ATP10A: variants seen among roughly 807,000 people sequenced by gnomAD.
ATP10A encodes the protein phospholipid-transporting ATPase VA.
A neutral mutation model predicts 147.8 loss-of-function variants in ATP10A; 111 were observed. That is an observed-to-expected ratio of 0.75 (90% CI 0.64 to 0.88). ATP10A has a LOEUF of 0.88. Among genes scored for constraint, ATP10A ranks in the 40% least tolerant of loss-of-function variants. ATP10A has a pLI of 0.00. For missense variants in ATP10A, 1,927 were observed against 1,959.0 expected, an observed-to-expected ratio of 0.98 and a Z score of 0.31; for synonymous variants, 875 against 841.6, an observed-to-expected ratio of 1.04 and a Z score of -0.69.
chr15:25,687,604 G>A, intron 16 of ATP10A, 99 bp downstream of exon 16: 1 of 777,482 alleles, frequency 1.3e-6, no homozygotes. Flanking sequence ...GTTGTCCATG[G>A]CCTCCCATCT....
Position 25,713,883 on chromosome 15 carries a change from C to T in ATP10A, c.2135G>A (p.Cys712Tyr). The change falls in exon 10 of 21, where the codon TGC (cysteine) becomes TAC (tyrosine). Residue 712 changes from cysteine (C) to tyrosine (Y), a missense_variant. By Grantham distance (194) the Cys-to-Tyr change is radical. Transcript: ENST00000555815. Reference protein sequence around the residue: ...ALVYAARAYNCVLVERLHDQV... With the variant: ...ALVYAARAYNYVLVERLHDQV... ...GTCGTGCAGCCGCTCCACAAGCACG[C>T]AGTTGTAGGCTCTGGCCGCATACAC... The T allele has an allele frequency of 6.2e-7, 1 of 1,613,798 alleles. No individual in the cohort carries two copies.
intron 1 of ATP10A, among the ~76,000 whole-genome samples, chr15:25,846,198 T>C (rs1003086653): frequency 2.0e-5 from 3 of 151,934 alleles, no homozygotes; most frequent in African/African-American, 7.3e-5. Context: ...AAGTTTCCGT[T>C]TGGGAGGATA....
At chr15:25,716,181 C>T (rs1901794680) in intron 9 of ATP10A, among the ~76,000 whole-genome samples, 2 of 152,224 alleles carry the variant, frequency 1.3e-5, no homozygotes, top group Admixed American at 1.3e-4. Context: ...GGCGGGCACC[C>T]CAGGCACAGG....
At chr15:25,743,427 C>CT (rs1197464608) in intron 2 of ATP10A, among the ~76,000 whole-genome samples, 2 of 152,158 alleles carry the variant, frequency 1.3e-5, no homozygotes, top group East Asian at 3.9e-4. Flanking sequence ...AGACAGCTGC[C>CT]TGGAGGTATG....
chr15:25,674,108 C>T (rs1899093005), downstream of ATP10A, among the ~76,000 whole-genome samples: 1 of 152,190 alleles, frequency 6.6e-6, no homozygotes, highest in South Asian at 2.1e-4. Flanking sequence ...GGACGCTCTC[C>T]ATCAAAGTGC....
intron 1 of ATP10A, among the ~76,000 whole-genome samples, chr15:25,816,456 A>T (rs1184320567): frequency 1.3e-5 from 2 of 152,208 alleles, no homozygotes; most frequent in African/African-American, 4.8e-5. Context: ...TAAATAATAA[A>T]ATTGGTTCTA....
In ATP10A at chr15:25,862,938, G is replaced by A. The variant is rs1251700351; in HGVS notation, c.159C>T (p.Arg53=). The A allele has an allele frequency of 1.3e-6, 2 of 1,580,260 alleles. No individual in the cohort carries two copies. The highest frequency in any genetic ancestry group is 1.4e-5 in the African/African-American group (1 of 72,158). The change falls in exon 1 of 21, where the codon CGC becomes CGT. Residue 53 remains arginine, a synonymous_variant. Transcript: ENST00000555815. ...TGTCGGCCAGGTGCTGGGCACACCC[G>A]CGCCGCCGTCGCCGCTCGCCCTTGG... ...GAAKGERRRR[R]GCAQHLADNR... is the part of the protein sequence containing the mutation.
At chr15:25,761,124 C>T (rs190796069) in intron 2 of ATP10A, among the ~76,000 whole-genome samples, 1 of 152,174 alleles carries the variant, frequency 6.6e-6, no homozygotes, top group East Asian at 1.9e-4. Flanking sequence ...TGAATACCTA[C>T]AACTTGGATA....
At position 25,679,844 on chromosome 15, in the gene ATP10A, C is replaced by A. The variant is rs755173160; in HGVS notation, c.3997G>T (p.Asp1333Tyr). Residue 1333 changes from aspartate to tyrosine, a missense_variant, in exon 21 of 21, where the codon GAC becomes TAC. By Grantham distance (160) the Asp-to-Tyr change is radical (BLOSUM62 -3). Coordinates refer to ENST00000555815, the MANE Select transcript of ATP10A (RefSeq NM_024490.4). ...CCTGATGAGTGCTCGGTTCCCGAGT[C>A]CTTCGGGAGGCGTCCCTGAGCAAAG... ...ETFAQGRLPK[D>Y]SGTEHSSGRT... 3.7e-6 allele frequency: 6 copies of A among 1,611,006 alleles called. No homozygotes were observed. Among genetic ancestry groups the A allele is most frequent in the Non-Finnish European group, 5.1e-6 (6 of 1,179,958 alleles).
At chr15:25,688,249 T>C (rs1349293047) in intron 15 of ATP10A, among the ~76,000 whole-genome samples, 1 of 152,160 alleles carries the variant, frequency 6.6e-6, no homozygotes, top group Non-Finnish European at 1.5e-5. Context: ...GCTCCTGCCG[T>C]ATGTATCAGA....
chr15:25,731,912 G>C (rs1886959189), intron 3 of ATP10A, among the ~76,000 whole-genome samples: 1 of 152,126 alleles, frequency 6.6e-6, no homozygotes, highest in Non-Finnish European at 1.5e-5. Flanking sequence ...CTGGAGTGCA[G>C]TGGTGTGATC....
At chr15:25,797,450 A>T in intron 1 of ATP10A, among the ~76,000 whole-genome samples, 1 of 128,276 alleles carries the variant, frequency 7.8e-6, no homozygotes, top group South Asian at 2.7e-4. Context: ...CCCTGCCCCC[A>T]CCCCACCCTT....
downstream of ATP10A, among the ~76,000 whole-genome samples, chr15:25,673,207 C>A (rs1345353557): frequency 6.6e-6 from 1 of 152,160 alleles, no homozygotes; most frequent in Non-Finnish European, 1.5e-5. Flanking sequence ...GCAGCCCACT[C>A]CGGTTGAGCG....
intron 6 of ATP10A, among the ~76,000 whole-genome samples, chr15:25,723,303 G>A (rs779583683): frequency 4.0e-5 from 6 of 151,390 alleles, no homozygotes; most frequent in South Asian, 2.1e-4. Flanking sequence ...AGCCAAGATC[G>A]TGTCACTGCA....
chr15:25,849,464 G>A (rs891746854), intron 1 of ATP10A, among the ~76,000 whole-genome samples: 1 of 152,178 alleles, frequency 6.6e-6, no homozygotes, highest in African/African-American at 2.4e-5. Context: ...TGGGAACAGA[G>A]CCAAGAATTA....
chr15:25,768,270 C>T (rs1352766902), intron 2 of ATP10A, among the ~76,000 whole-genome samples: 1 of 152,250 alleles, frequency 6.6e-6, no homozygotes, highest in East Asian at 1.9e-4. Flanking sequence ...TCCTGGGCCA[C>T]TGCTCCTGTC....
chr15:25,773,817 TCC>T (rs1491414846), intron 2 of ATP10A, among the ~76,000 whole-genome samples: 1,238 of 105,110 alleles, frequency 0.012, 6 homozygotes, highest in Non-Finnish European at 0.017. Flanking sequence ...CACCTAAACA[TCC>T]ACACACACAC....
intron 1 of ATP10A, among the ~76,000 whole-genome samples, chr15:25,858,749 A>G (rs909492448): frequency 1.3e-5 from 2 of 152,204 alleles, no homozygotes; most frequent in African/African-American, 2.4e-5. Context: ...ACCCAAGCAC[A>G]GAGCCCAGAA....
In ATP10A at chr15:25,721,892, G is replaced by A. The variant is rs1174894580; in HGVS notation, c.1128C>T (p.Ser376=). Residue 376 remains serine, a synonymous_variant, in exon 7 of 21, where the codon TCC becomes TCT. Coordinates refer to ENST00000555815, the MANE Select transcript of ATP10A (RefSeq NM_024490.4). ...TAACAATTTCAATGGAAACGTATAA[G>A]GAAATTGGGATCAAAACCTGGAAGA... ...IIVLQVLIPI[S]LYVSIEIVKA... The A allele has an allele frequency of 1.2e-6, 2 of 1,611,634 alleles. No individual in the cohort carries two copies. The highest frequency in any genetic ancestry group is 8.5e-7 in the Non-Finnish European group (1 of 1,177,824).
Sources: allele counts gnomAD v4.1 joint callset (sites outside exome capture counted in the v4.1 genomes callset), GRCh38; gene constraint gnomAD v4.1.1; transcripts MANE v1.5; gene names NCBI Gene and HGNC (gene_info 2026-07-23, HGNC 2026-07-21).